C1QTNF3: variants seen among roughly 807,000 people sequenced by gnomAD.
The protein encoded by C1QTNF3 is C1q and TNF related 3.
C1QTNF3 carries 26 observed loss-of-function variants against 32.6 expected under a neutral mutation model. The ratio of observed to expected loss-of-function variants is 0.80; its 90% confidence interval spans 0.58 to 1.11. C1QTNF3 has a LOEUF of 1.11. C1QTNF3 is among the 50% of genes least tolerant of loss of function. The pLI, the probability that C1QTNF3 is intolerant of heterozygous loss-of-function variation, is 0.00. For synonymous variants in C1QTNF3, 155 were observed against 146.0 expected, an observed-to-expected ratio of 1.06 and a Z score of -0.44; for missense variants, 362 against 398.2, an observed-to-expected ratio of 0.91 and a Z score of 0.77.
chr5:34,087,296 C>CAA, the C1QTNF3 span, among the ~76,000 whole-genome samples: 1 of 141,258 alleles, frequency 7.1e-6, no homozygotes, highest in Admixed American at 7.1e-5. Flanking sequence ...TTATGTAACT[C>CAA]AAAAAAAAAT....
intron 1 of C1QTNF3, among the ~76,000 whole-genome samples, chr5:34,038,607 G>C (rs564440144): frequency 6.6e-6 from 1 of 152,096 alleles, no homozygotes; most frequent in Non-Finnish European, 1.5e-5. Flanking sequence ...AAATGCAATT[G>C]TCTTAAGACC....
At chr5:34,072,885 T>C in the C1QTNF3 span, among the ~76,000 whole-genome samples, 567 of 152,322 alleles carry the variant, frequency 3.7e-3, 3 homozygotes, top group Middle Eastern at 0.024. Flanking sequence ...TAGACATTTG[T>C]TACTGAGAAT....
At chr5:34,077,746 G>A in the C1QTNF3 span, among the ~76,000 whole-genome samples, 241 of 151,546 alleles carry the variant, frequency 1.6e-3, 8 homozygotes, top group African/African-American at 5.6e-3. Flanking sequence ...TTGAAAATAA[G>A]TGTCTAAAGA....
At chr5:34,114,588 C>T in the C1QTNF3 span, among the ~76,000 whole-genome samples, 1 of 152,064 alleles carries the variant, frequency 6.6e-6, no homozygotes, top group East Asian at 1.9e-4. Flanking sequence ...GATGAACTCA[C>T]ATTCTATCTT....
the C1QTNF3 span, among the ~76,000 whole-genome samples, chr5:34,195,655 C>G: frequency 6.6e-6 from 1 of 152,234 alleles, no homozygotes; most frequent in African/African-American, 2.4e-5. Context: ...TCCTGGCTAA[C>G]ATGGTAAAAC....
the C1QTNF3 span, among the ~76,000 whole-genome samples, chr5:34,208,052 A>T: frequency 2.0e-5 from 3 of 152,266 alleles, no homozygotes; most frequent in South Asian, 6.2e-4. Context: ...GGCCTCCCAA[A>T]GTGCTGGGAT....
chr5:34,156,720 C>A, the C1QTNF3 span, among the ~76,000 whole-genome samples: 1 of 151,924 alleles, frequency 6.6e-6, no homozygotes, highest in East Asian at 1.9e-4. Flanking sequence ...AAATTATTGA[C>A]CCAAATAAAC....
At chr5:34,207,438 G>C in the C1QTNF3 span, among the ~76,000 whole-genome samples, 114 of 152,218 alleles carry the variant, frequency 7.5e-4, no homozygotes, top group African/African-American at 2.7e-3. Context: ...AGAAGAAAAT[G>C]TTTGTTGCAA....
At chr5:34,140,567 T>C in the C1QTNF3 span, among the ~76,000 whole-genome samples, 9 of 152,238 alleles carry the variant, frequency 5.9e-5, no homozygotes, top group Non-Finnish European at 1.0e-4. Flanking sequence ...TGTAGGTGGT[T>C]ATGTTTGTTG....
At chr5:34,070,112 C>T in the C1QTNF3 span, among the ~76,000 whole-genome samples, 1 of 152,138 alleles carries the variant, frequency 6.6e-6, no homozygotes, top group East Asian at 1.9e-4. Context: ...ACACAGCTAG[C>T]CTACATTCCA....
chr5:34,240,795 A>T, the C1QTNF3 span, among the ~76,000 whole-genome samples: 1 of 152,178 alleles, frequency 6.6e-6, no homozygotes, highest in Non-Finnish European at 1.5e-5. Context: ...CTTAATACCA[A>T]AACCTGGCAG....
At chr5:34,174,505 T>A in the C1QTNF3 span, among the ~76,000 whole-genome samples, 2 of 152,168 alleles carry the variant, frequency 1.3e-5, no homozygotes, top group African/African-American at 4.8e-5. Flanking sequence ...CACCTCATCA[T>A]GTTCATTCAT....
the C1QTNF3 span, among the ~76,000 whole-genome samples, chr5:34,177,404 C>A: frequency 6.6e-6 from 1 of 151,916 alleles, no homozygotes; most frequent in Non-Finnish European, 1.5e-5. Context: ...GCAGCCTTGA[C>A]CTACTGGGCT....
the C1QTNF3 span, chr5:34,165,257 T>C: frequency 6.6e-6 from 1 of 152,136 alleles, no homozygotes; most frequent in Non-Finnish European, 1.5e-5. Context: ...AAAGCTACTC[T>C]ACTCTCTTCC....
chr5:34,210,501 G>A, the C1QTNF3 span, among the ~76,000 whole-genome samples: 4 of 150,324 alleles, frequency 2.7e-5, no homozygotes, highest in African/African-American at 7.3e-5. Context: ...GTTTGTGGCT[G>A]CTCACATAAT....
At chr5:34,177,729 C>T in the C1QTNF3 span, among the ~76,000 whole-genome samples, 5 of 151,750 alleles carry the variant, frequency 3.3e-5, no homozygotes, top group Admixed American at 3.3e-4. Context: ...CCTCGTGATC[C>T]ACCCACCTCA....
chr5:34,239,168 G>C, the C1QTNF3 span, among the ~76,000 whole-genome samples: 2 of 152,040 alleles, frequency 1.3e-5, no homozygotes, highest in Non-Finnish European at 2.9e-5. Context: ...TAAAAAGAAT[G>C]ACACCTGCTA....
the C1QTNF3 span, among the ~76,000 whole-genome samples, chr5:34,162,374 T>G: frequency 6.6e-6 from 1 of 152,162 alleles, no homozygotes; most frequent in Non-Finnish European, 1.5e-5. Context: ...ATTAGTCCAT[T>G]CATGAGGGCA....
chr5:34,203,416 A>G, the C1QTNF3 span, among the ~76,000 whole-genome samples: 1 of 152,230 alleles, frequency 6.6e-6, no homozygotes, highest in Non-Finnish European at 1.5e-5. Context: ...GGCCAGGTGC[A>G]GTTGCTCACA....
Sources: gnomAD v4.1 joint callset for allele counts (sites outside exome capture counted in the v4.1 genomes callset) on GRCh38, gnomAD v4.1.1 for gene constraint, MANE v1.5 for transcripts, NCBI Gene and HGNC (gene_info 2026-07-23, HGNC 2026-07-21) for gene names.